Variants in DAZAP1 observed in about 807,000 individuals in gnomAD.
DAZAP1 encodes DAZ associated protein 1.
A neutral mutation model predicts 60.1 loss-of-function variants in DAZAP1; 6 were observed. That is an observed-to-expected ratio of 0.10 (90% CI 0.05 to 0.20). The LOEUF (loss-of-function observed/expected upper bound fraction) is 0.20, where lower values mean the gene tolerates loss of function less well. Ranked by LOEUF, DAZAP1 falls within the 10% of genes least tolerant of loss-of-function variation. The pLI is 1.00. For synonymous variants in DAZAP1, 235 were observed against 215.9 expected, an observed-to-expected ratio of 1.09 and a Z score of -0.78; for missense variants, 366 against 560.4, an observed-to-expected ratio of 0.65 and a Z score of 3.50.
Position 1,426,045 on chromosome 19 carries a change from C to A in DAZAP1, c.546+85C>A. The A allele has an allele frequency of 9.7e-7, 1 of 1,025,990 alleles. No homozygotes were observed. Among genetic ancestry groups the A allele is most frequent in the Non-Finnish European group, 1.6e-6 (1 of 645,122 alleles). 63.6% of individuals were successfully genotyped at this position (1,025,990 alleles called of 1,614,324 possible). A position where few individuals can be genotyped will look rare whatever the true frequency, so the allele number is the denominator to read the frequency against. On this transcript the variant is annotated intron_variant, in intron 7 of 11. Transcript: ENST00000233078. This position sits in a 1 kb window ranked among gnomAD's most constrained non-coding sequence, Gnocchi z 5.4. ...GTTTCACTGGAAAGGAACATTCCTT[C>A]ACGGAAAGGGTCGGGCGAGTTCGTC...
rs746959853 is a variant in DAZAP1 at position 1,423,696 on chromosome 19, C to T, written c.463+1300C>T. Among the ~76,000 whole-genome samples the T allele has an allele frequency of 1.3e-5, 2 of 152,244 alleles. No homozygotes were observed. Among genetic ancestry groups the T allele is most frequent in the African/African-American group, 4.8e-5 (2 of 41,460 alleles). ...TTGCGAAAATGTCTACTTCTAAATA[C>T]GTTGTTTCATCACCGATGCTGTGTT... On this transcript the variant is annotated intron_variant, in intron 6 of 11. Transcript: ENST00000233078. The surrounding 1 kb of genome is among the most constrained non-coding windows in gnomAD (Gnocchi z 6.8).
At chr19:1,420,756 A>C (rs2083132886) in intron 4 of DAZAP1, among the ~76,000 whole-genome samples, 1 of 152,174 alleles carries the variant, frequency 6.6e-6, no homozygotes, top group South Asian at 2.1e-4. Context: ...ACAGCCTGAA[A>C]TCCAGCTTCC....
chr19:1,426,270 C>G lies in DAZAP1; in HGVS notation c.546+310C>G. On this transcript the variant is annotated intron_variant, in intron 7 of 11. Coordinates refer to ENST00000233078, the MANE Select transcript of DAZAP1 (RefSeq NM_018959.4). The surrounding 1 kb of genome is among the most constrained non-coding windows in gnomAD (Gnocchi z 5.4). ...GTGTTGGGGCTGGCTCCAGTGAAAC[C>G]GCAGCGTTGCCTCAGGCTTGGTTTC... 2 of 375,458 alleles carry G rather than the reference C, an allele frequency of 5.3e-6. No individual in the cohort carries two copies. The highest frequency in any genetic ancestry group is 1.0e-5 in the Non-Finnish European group (2 of 198,944). The allele number at this position is 375,458 out of a possible 1,614,324, so 23.3% of individuals were successfully genotyped here.
chr19:1,434,658 C>T lies in DAZAP1; in HGVS notation c.1049-79C>T. ...TGGACTCAAGGCAGGCTCGGCGGAG[C>T]TGTGTCCAGGTGGCCTCGCTCGACG... is the stretch of plus-strand genomic sequence containing the variant. On this transcript the variant is annotated intron_variant, in intron 11 of 11. Transcript: ENST00000233078. The surrounding 1 kb of genome is among the most constrained non-coding windows in gnomAD (Gnocchi z 8.0). 1 of 1,498,086 alleles carries T rather than the reference C, an allele frequency of 6.7e-7. No individual in the cohort carries two copies. The highest frequency in any genetic ancestry group is 9.2e-7 in the Non-Finnish European group (1 of 1,090,266). The allele number at this position is 1,498,086 out of a possible 1,614,324, so 92.8% of individuals were successfully genotyped here.
At position 1,430,235 on chromosome 19, in the gene DAZAP1, G is replaced by GC; in HGVS notation, c.749dup (p.Ala251CysfsTer176). On this transcript the variant is annotated frameshift_variant, in exon 10 of 12. Transcript: ENST00000233078. LOFTEE classifies it high-confidence loss of function. ...TGTGTGTTTCAGGTGGCTATGGACC[G>GC]CCCCCTGCAGGAAGAGGAGCCCCCC... 3 of 1,570,576 alleles carry GC rather than the reference G, an allele frequency of 1.9e-6. No homozygotes were observed. The highest frequency in any genetic ancestry group is 2.6e-6 in the Non-Finnish European group (3 of 1,156,414).
In DAZAP1 at chr19:1,430,253, A is replaced by AGGG; in HGVS notation, c.763_764insGGG (p.Gly254dup). On this transcript the variant is annotated inframe_insertion, in exon 10 of 12. Coordinates refer to ENST00000233078, the MANE Select transcript of DAZAP1 (RefSeq NM_018959.4). ...ATGGACCGCCCCCTGCAGGAAGAGG[A>AGGG]GCCCCCCCGCCACCCCCACCGTTCA... is the stretch of plus-strand genomic sequence containing the variant. 55 of 1,352,894 alleles carry AGGG rather than the reference A, an allele frequency of 4.1e-5. No homozygotes were observed. Among genetic ancestry groups the AGGG allele is most frequent in the Non-Finnish European group, 5.0e-5 (49 of 973,710 alleles). 83.8% of individuals were successfully genotyped at this position (1,352,894 alleles called of 1,614,324 possible).
chr19:1,411,533 T>C (rs2082831354), intron 1 of DAZAP1, among the ~76,000 whole-genome samples: 1 of 152,188 alleles, frequency 6.6e-6, no homozygotes, highest in Admixed American at 6.5e-5. Flanking sequence ...GTGGATGTGC[T>C]CCTGACTGGC....
At chr19:1,413,963 G>T (rs1029414850) in intron 1 of DAZAP1, among the ~76,000 whole-genome samples, 2 of 151,300 alleles carry the variant, frequency 1.3e-5, no homozygotes, top group Non-Finnish European at 2.9e-5. Context: ...TTGGCACGTG[G>T]TGCCTCTTGC....
intron 9 of DAZAP1, 84 bp downstream of exon 9, chr19:1,430,080 A>C: frequency 6.3e-7 from 1 of 1,583,978 alleles, no homozygotes; most frequent in Non-Finnish European, 8.6e-7. Context: ...CAGCCGGCAA[A>C]GCCTGGTTCC....
chr19:1,414,203 A>G (rs1281965285), intron 1 of DAZAP1, among the ~76,000 whole-genome samples: 2 of 151,570 alleles, frequency 1.3e-5, no homozygotes, highest in East Asian at 2.0e-4. Context: ...TTTTTAGTAG[A>G]GATGGGGTTT....
chr19:1,421,590 C>T (rs983283124), intron 5 of DAZAP1, among the ~76,000 whole-genome samples: 4 of 152,234 alleles, frequency 2.6e-5, no homozygotes, highest in Non-Finnish European at 4.4e-5. Flanking sequence ...GTGGCCTGGG[C>T]GAGCCAGCCC....
chr19:1,419,803 TC>T (rs1165733000), intron 4 of DAZAP1, among the ~76,000 whole-genome samples: 2 of 138,880 alleles, frequency 1.4e-5, no homozygotes, highest in African/African-American at 5.3e-5. Context: ...CATGAAACCA[TC>T]CCAACCGTCA....
intron 7 of DAZAP1, chr19:1,427,413 A>T (rs1243307422): frequency 6.6e-6 from 1 of 152,220 alleles, no homozygotes; most frequent in Non-Finnish European, 1.5e-5. Flanking sequence ...GTTGGAGTCC[A>T]GCTTGCCCGG....
intron 8 of DAZAP1, 104 bp from the exon 9 acceptor site, chr19:1,429,863 C>A: frequency 7.0e-7 from 1 of 1,420,958 alleles, no homozygotes; most frequent in South Asian, 1.3e-5. Flanking sequence ...ACAGGAGGCT[C>A]CGGGGTTGGT....
chr19:1,407,661 C>CGCT lies in DAZAP1; in HGVS notation c.-112_-111insCTG. On this transcript the variant is annotated 5_prime_UTR_variant, in exon 1 of 12. Coordinates refer to ENST00000233078, the MANE Select transcript of DAZAP1 (RefSeq NM_018959.4). ...CCGCCGCCGCCGCCGCCGCCGCCGCCGTTGCGCAGATCCGGGCCGCGGCTG... is the reference window on the plus strand; with the variant it reads ...CCGCCGCCGCCGCCGCCGCCGCCGCCGCTGTTGCGCAGATCCGGGCCGCGGCTG... 2.1e-6 allele frequency: 2 copies of CGCT among 964,166 alleles called. No homozygotes were observed. The highest frequency in any genetic ancestry group is 2.5e-6 in the Non-Finnish European group (2 of 807,630). 59.7% of individuals were successfully genotyped at this position (964,166 alleles called of 1,614,324 possible).
At chr19:1,410,741 C>T (rs2082805346) in intron 1 of DAZAP1, among the ~76,000 whole-genome samples, 1 of 152,200 alleles carries the variant, frequency 6.6e-6, no homozygotes, top group Non-Finnish European at 1.5e-5. Flanking sequence ...AGCGCCCAGG[C>T]CATTGTGTTC....
intron 1 of DAZAP1, among the ~76,000 whole-genome samples, chr19:1,414,033 T>TGTGTGTGTGTGTG (rs2082904814): frequency 2.7e-5 from 2 of 73,670 alleles, no homozygotes; most frequent in African/African-American, 1.2e-4. Flanking sequence ...GTGTGTGTGT[T>TGTGTGTGTGTGTG]TAGATGGACC....
intron 8 of DAZAP1, 106 bp downstream of exon 8, chr19:1,429,101 G>A: frequency 7.5e-7 from 1 of 1,341,872 alleles, no homozygotes; most frequent in East Asian, 2.7e-5. Flanking sequence ...TGCTGTGCAT[G>A]CACAGAGCCG....
intron 10 of DAZAP1, among the ~76,000 whole-genome samples, chr19:1,431,464 T>C (rs1490787638): frequency 2.0e-5 from 3 of 150,398 alleles, no homozygotes; most frequent in Non-Finnish European, 4.4e-5. Context: ...AGTTTCACTT[T>C]TGTTGCCCAG....
Sources: gnomAD v4.1 joint callset for allele counts (sites outside exome capture counted in the v4.1 genomes callset) on GRCh38, gnomAD v4.1.1 for gene constraint, Gnocchi (gnomAD v3.1) non-coding constraint, MANE v1.5 for transcripts, NCBI Gene and HGNC (gene_info 2026-07-23, HGNC 2026-07-21) for gene names.